Variants in NINL observed in about 807,000 individuals in gnomAD.
The protein encoded by NINL is ninein-like protein.
NINL carries 153 observed loss-of-function variants against 160.3 expected under a neutral mutation model. The ratio of observed to expected loss-of-function variants is 0.95; its 90% CI spans 0.84 to 1.09. The LOEUF is 1.09. Among genes scored for constraint, NINL ranks in the 50% least tolerant of loss-of-function variants. The pLI is 0.00. For synonymous variants in NINL, 800 were observed against 734.8 expected (o/e 1.09, Z -1.43); for missense variants, 1,829 against 1,764.0 (o/e 1.04, Z -0.66).
intron 1 of NINL, among the ~76,000 whole-genome samples, chr20:25,575,488 T>C (rs1400747075): frequency 7.0e-6 from 1 of 142,248 alleles, no homozygotes. Flanking sequence ...TGTGGTGGCT[T>C]GCGCCTGTAA....
intron 10 of NINL, among the ~76,000 whole-genome samples, chr20:25,492,118 C>G (rs1314720181): frequency 6.6e-6 from 1 of 152,198 alleles, no homozygotes; most frequent in Non-Finnish European, 1.5e-5. Context: ...AGACTGAAGA[C>G]CAGCGAGGCT....
chr20:25,567,322 G>A (rs1387770503), intron 1 of NINL, among the ~76,000 whole-genome samples: 8 of 152,176 alleles, frequency 5.3e-5, no homozygotes, highest in Admixed American at 5.2e-4. Flanking sequence ...TGCATAATGG[G>A]AACATTAGAA....
chr20:25,453,255 A>T lies in NINL; in HGVS notation c.*196T>A. 4.2e-6 allele frequency: 2 copies of T among 471,048 alleles called. No individual in the cohort carries two copies. Among genetic ancestry groups the T allele is most frequent in the Non-Finnish European group, 7.2e-6 (2 of 275,906 alleles). The allele number at this position is 471,048 out of a possible 1,614,324, so 29.2% of individuals were successfully genotyped here. ...CGCTAATAAAAACGCCGGCTTCTGC[A>T]ACATGCATATTCCCCCAGCCCCCAC... On this transcript the variant is annotated 3_prime_UTR_variant, in exon 24 of 24. Coordinates refer to ENST00000278886, the MANE Select transcript of NINL (RefSeq NM_025176.6).
chr20:25,464,869 G>A (rs894615575), intron 19 of NINL, among the ~76,000 whole-genome samples: 23 of 152,336 alleles, frequency 1.5e-4, no homozygotes, highest in Non-Finnish European at 1.9e-4. Flanking sequence ...TTTGGGGTTT[G>A]TCTGGTGCTT....
intron 1 of NINL, among the ~76,000 whole-genome samples, chr20:25,579,573 C>T (rs73111297): frequency 0.078 from 11,868 of 152,154 alleles, 490 homozygotes; most frequent in Non-Finnish European, 0.1. Flanking sequence ...CACACCCCCA[C>T]GCCACCCTGC....
rs148687824 is a variant in NINL at position 25,527,123 on chromosome 20, C to T, written c.-11-525G>A. On this transcript the variant is annotated intron_variant, in intron 1 of 23. Transcript: ENST00000278886. The stretch of plus-strand genomic sequence containing the variant: ...AAAATTCCACTACCATATAAAAACA[C>T]TACTATTAATATTTTGACCAGCATA... 2.4e-4 allele frequency among the ~76,000 whole-genome samples: 37 copies of T among 151,796 alleles called. No homozygotes were observed. The East Asian group carries it at 6.0e-3, about 25-fold the overall frequency.
chr20:25,557,804 A>C (rs532356370), intron 1 of NINL, among the ~76,000 whole-genome samples: 35 of 152,154 alleles, frequency 2.3e-4, no homozygotes, highest in Non-Finnish European at 3.8e-4. Context: ...GAGGTAGATG[A>C]TCTTAACAAC....
chr20:25,480,004 A>G (rs1276121106), intron 15 of NINL, among the ~76,000 whole-genome samples, 157 bp downstream of exon 15: 1 of 152,166 alleles, frequency 6.6e-6, no homozygotes, highest in East Asian at 1.9e-4. Flanking sequence ...TGTCAGTTTT[A>G]TTGCATTTCT....
chr20:25,580,340 A>T (rs1199154849), intron 1 of NINL, among the ~76,000 whole-genome samples: 1 of 150,778 alleles, frequency 6.6e-6, no homozygotes, highest in Admixed American at 6.6e-5. Flanking sequence ...CCTAAAAAAA[A>T]AAAAAAAATG....
chr20:25,523,305 G>T (rs1490943851), intron 2 of NINL, among the ~76,000 whole-genome samples: 1 of 151,846 alleles, frequency 6.6e-6, no homozygotes, highest in Non-Finnish European at 1.5e-5. Flanking sequence ...AGGCTGGAGT[G>T]CAGTGACACA....
Position 25,470,534 on chromosome 20 carries a change from T to C in NINL, c.3249-439A>G, listed in dbSNP as rs142820134. On this transcript the variant is annotated intron_variant, in intron 17 of 23. Coordinates refer to ENST00000278886, the MANE Select transcript of NINL (RefSeq NM_025176.6). ...ACAGGAATCAGAAGGCCAAGATATA[T>C]GGGAAACCTCTGCTAGGTGAATCTC... Among the ~76,000 whole-genome samples the C allele has an allele frequency of 1.4e-3, 213 of 152,256 alleles. 1 individual carries two copies. Among genetic ancestry groups the C allele is most frequent in the African/African-American group, 4.7e-3 (196 of 41,550 alleles).
chr20:25,460,189 A>G (rs2062748648), intron 21 of NINL, among the ~76,000 whole-genome samples: 1 of 152,178 alleles, frequency 6.6e-6, no homozygotes, highest in South Asian at 2.1e-4. Context: ...TCCCACATGG[A>G]AACGGCAACC....
intron 17 of NINL, among the ~76,000 whole-genome samples, chr20:25,473,539 G>C (rs1314398425): frequency 8.6e-6 from 1 of 116,014 alleles, no homozygotes; most frequent in Non-Finnish European, 1.9e-5. Flanking sequence ...AAAACAAAGT[G>C]GCCAGGCCTG....
chr20:25,469,856 T>A lies in NINL; in HGVS notation c.3353+135A>T, dbSNP rs1191299885. On this transcript the variant is annotated intron_variant, in intron 18 of 23. Coordinates refer to ENST00000278886, the MANE Select transcript of NINL (RefSeq NM_025176.6). The stretch of plus-strand genomic sequence containing the variant: ...CGAGTCGTTCAGAAGTTAACAAGGC[T>A]CATGGTTTAGGGTTTTCTGGAATGC... 3 of 659,186 alleles carry A rather than the reference T, an allele frequency of 4.6e-6. No individual in the cohort carries two copies. The African/African-American group carries it at 5.4e-5, about 12-fold the overall frequency. The allele number at this position is 659,186 out of a possible 1,614,324, so 40.8% of individuals were successfully genotyped here.
intron 1 of NINL, among the ~76,000 whole-genome samples, chr20:25,537,868 C>A (rs1177845374): frequency 6.6e-6 from 1 of 152,198 alleles, no homozygotes; most frequent in African/African-American, 2.4e-5. Flanking sequence ...AGTCGAAATG[C>A]ACGTCACGTT....
At position 25,504,830 on chromosome 20, in the gene NINL, C is replaced by T. The variant is rs181956256; in HGVS notation, c.708+58G>A. 246 of 1,579,048 alleles carry T rather than the reference C, an allele frequency of 1.6e-4. No individual in the cohort carries two copies. In the African/African-American group the frequency reaches 3.0e-3, roughly 19 times the overall value. On this transcript the variant is annotated intron_variant, in intron 6 of 23. Transcript: ENST00000278886. ...AGGGTAGAGGGGTTTCCAGACCCAA[C>T]ACTAAACCGTGACCATGGCCAGGAA...
intron 1 of NINL, among the ~76,000 whole-genome samples, chr20:25,538,307 G>A (rs895868266): frequency 2.0e-5 from 3 of 152,208 alleles, no homozygotes; most frequent in Non-Finnish European, 4.4e-5. Flanking sequence ...GCTGTGGCCT[G>A]TGGTCCTATG....
intron 21 of NINL, 137 bp from the exon 22 acceptor site, chr20:25,458,666 AT>A: frequency 1.1e-6 from 1 of 897,068 alleles, no homozygotes; most frequent in South Asian, 1.8e-5. Context: ...GCACCTGAAT[AT>A]TTAGAAGGAG....
intron 9 of NINL, 150 bp from the exon 10 acceptor site, chr20:25,496,953 G>T: frequency 9.8e-7 from 1 of 1,019,714 alleles, no homozygotes; most frequent in Non-Finnish European, 1.4e-6. Flanking sequence ...TGCTCCTAAG[G>T]CAGTTTCTAC....
Sources: allele counts gnomAD v4.1 joint callset (sites outside exome capture counted in the v4.1 genomes callset), GRCh38; gene constraint gnomAD v4.1.1; transcripts MANE v1.5; gene names NCBI Gene and HGNC (gene_info 2026-07-23, HGNC 2026-07-21).